Variants in FMNL2 observed in about 807,000 individuals in gnomAD.
FMNL2 encodes formin-like protein 2.
A neutral mutation model predicts 130.2 loss-of-function variants in FMNL2; 51 were observed. The observed-to-expected ratio is 0.39, with a 90% CI of 0.31 to 0.49. FMNL2 has a LOEUF of 0.49. FMNL2 is among the 20% of genes least tolerant of loss of function. The pLI is 0.85. For synonymous variants in FMNL2, 465 were observed against 467.1 expected, an observed-to-expected ratio of 1.00 and a Z score of 0.06; for missense variants, 977 against 1,316.2, an observed-to-expected ratio of 0.74 and a Z score of 3.99.
chr2:152,343,754 G>C (rs1230971967), intron 1 of FMNL2, among the ~76,000 whole-genome samples: 1 of 152,150 alleles, frequency 6.6e-6, no homozygotes, highest in Non-Finnish European at 1.5e-5. Flanking sequence ...TCTCTCCGTG[G>C]AAGTTTGGCA....
chr2:152,460,423 AC>A (rs1689174333), intron 1 of FMNL2, among the ~76,000 whole-genome samples: 1 of 152,234 alleles, frequency 6.6e-6, no homozygotes, highest in African/African-American at 2.4e-5. Context: ...CTGATTTGTC[AC>A]AAAGCTCAGT....
Position 152,640,061 on chromosome 2 carries a change from G to A in FMNL2, c.3045+5G>A, listed in dbSNP as rs747143418. The A allele has an allele frequency of 2.0e-5, 31 of 1,548,148 alleles. No individual in the cohort carries two copies. The African/African-American group carries it at 3.7e-4, about 19-fold the overall frequency. On this transcript the variant is annotated splice_donor_5th_base_variant and intron_variant, in intron 24 of 25. Transcript: ENST00000288670. The stretch of plus-strand genomic sequence containing the variant: ...ATGGAGCAGCAGGATCCAAAGGTAA[G>A]AAGTGCCGCACTCATGAGACAGGTC...
chr2:152,434,784 G>A (rs942770738), intron 1 of FMNL2, among the ~76,000 whole-genome samples: 6 of 151,978 alleles, frequency 3.9e-5, no homozygotes, highest in African/African-American at 1.5e-4. Flanking sequence ...GCTACTTTGC[G>A]GAAGCTTAAG....
chr2:152,598,486 C>A (rs147271372), intron 9 of FMNL2, among the ~76,000 whole-genome samples: 2,624 of 152,242 alleles, frequency 0.017, 83 homozygotes, highest in African/African-American at 0.059. Flanking sequence ...GCCAGGAGTT[C>A]AAGACCAGCC....
intron 6 of FMNL2, among the ~76,000 whole-genome samples, chr2:152,574,174 AC>A (rs1431016806): frequency 6.6e-6 from 1 of 152,226 alleles, no homozygotes; most frequent in Non-Finnish European, 1.5e-5. Flanking sequence ...ACGGTGGCTA[AC>A]GCCTGTAACC....
At chr2:152,501,791 A>G (rs1280403329) in intron 1 of FMNL2, among the ~76,000 whole-genome samples, 1 of 152,116 alleles carries the variant, frequency 6.6e-6, no homozygotes. Context: ...GTGAAAGTCC[A>G]TACTGTACTG....
chr2:152,340,731 G>A (rs971136417), intron 1 of FMNL2, among the ~76,000 whole-genome samples: 16 of 151,978 alleles, frequency 1.1e-4, no homozygotes, highest in East Asian at 5.8e-4. Context: ...TTGCTCTGTC[G>A]CCCAGGCTGG....
chr2:152,554,043 A>G (rs1010595661), intron 4 of FMNL2, among the ~76,000 whole-genome samples: 6 of 152,202 alleles, frequency 3.9e-5, no homozygotes, highest in Non-Finnish European at 7.3e-5. Flanking sequence ...TTGAACGGCT[A>G]GTAACTAATT....
intron 2 of FMNL2, among the ~76,000 whole-genome samples, chr2:152,538,512 A>G (rs1191332371): frequency 6.6e-6 from 1 of 151,978 alleles, no homozygotes; most frequent in Non-Finnish European, 1.5e-5. Flanking sequence ...TCTCCTGACC[A>G]CAGGTGATCC....
At chr2:152,470,296 T>G (rs1048582873) in intron 1 of FMNL2, among the ~76,000 whole-genome samples, 17 of 152,316 alleles carry the variant, frequency 1.1e-4, no homozygotes, top group African/African-American at 3.8e-4. Context: ...TCCCGTAATC[T>G]CAGGTGATGT....
chr2:152,469,621 A>G (rs545817846), intron 1 of FMNL2, among the ~76,000 whole-genome samples: 2 of 152,134 alleles, frequency 1.3e-5, no homozygotes, highest in South Asian at 4.2e-4. Flanking sequence ...GAAATGCTGA[A>G]CCTCCTGTGT....
At chr2:152,363,479 G>A (rs141712776) in intron 1 of FMNL2, among the ~76,000 whole-genome samples, 256 of 152,012 alleles carry the variant, frequency 1.7e-3, no homozygotes, top group African/African-American at 5.9e-3. Context: ...TCTCTTTCTC[G>A]TTTCTCAGTG....
At chr2:152,442,958 T>G (rs1688129362) in intron 1 of FMNL2, among the ~76,000 whole-genome samples, 1 of 152,134 alleles carries the variant, frequency 6.6e-6, no homozygotes, top group South Asian at 2.1e-4. Flanking sequence ...ATCATACTCA[T>G]TTAGAGGGAT....
chr2:152,614,179 C>T (rs1307329111), intron 11 of FMNL2, among the ~76,000 whole-genome samples: 5 of 152,208 alleles, frequency 3.3e-5, no homozygotes, highest in African/African-American at 1.2e-4. Context: ...TACACAGATA[C>T]CCCTCAGGTT....
intron 1 of FMNL2, among the ~76,000 whole-genome samples, chr2:152,512,510 C>T (rs1013870663): frequency 6.6e-6 from 1 of 152,166 alleles, no homozygotes; most frequent in African/African-American, 2.4e-5. Flanking sequence ...AAGATTGGCT[C>T]TCCCACCTAG....
chr2:152,484,320 T>A (rs1422051320), intron 1 of FMNL2, among the ~76,000 whole-genome samples: 3 of 152,184 alleles, frequency 2.0e-5, no homozygotes, highest in African/African-American at 4.8e-5. Context: ...ATGGTGCCAT[T>A]TTCTCAATGA....
chr2:152,639,076 C>G (rs1314754837), intron 23 of FMNL2, among the ~76,000 whole-genome samples: 1 of 151,930 alleles, frequency 6.6e-6, no homozygotes, highest in African/African-American at 2.4e-5. Context: ...ACAGCTGATT[C>G]AGTGAAGCAT....
chr2:152,626,748 T>A, intron 17 of FMNL2, 21 bp downstream of exon 17: 2 of 1,573,508 alleles, frequency 1.3e-6, no homozygotes, highest in Non-Finnish European at 1.7e-6. Context: ...GAAAATTATA[T>A]TCTAGTTAGT....
intron 21 of FMNL2, among the ~76,000 whole-genome samples, chr2:152,632,485 G>C (rs1374231789): frequency 6.6e-6 from 1 of 152,186 alleles, no homozygotes; most frequent in Non-Finnish European, 1.5e-5. Context: ...ATTTGATTTT[G>C]TGCCATTCTA....
Sources: gnomAD v4.1 joint callset for allele counts (sites outside exome capture counted in the v4.1 genomes callset) on GRCh38, gnomAD v4.1.1 for gene constraint, MANE v1.5 for transcripts, NCBI Gene and HGNC (gene_info 2026-07-23, HGNC 2026-07-21) for gene names.